The following ASMT variants were observed in gnomAD, a reference collection of about 807,000 sequenced individuals.
The protein encoded by ASMT is acetylserotonin N-methyltransferase.
A neutral mutation model predicts 41.3 loss-of-function variants in ASMT; 53 were observed. The observed-to-expected ratio is 1.28, with a 90% CI of 1.03 to 1.61. The LOEUF (loss-of-function observed/expected upper bound fraction) is 1.61. Among genes scored for constraint, ASMT ranks in the 40% most tolerant of loss-of-function variants. The pLI is 0.00. For synonymous variants in ASMT, 231 were observed against 184.8 expected (o/e 1.25, Z -2.03); for missense variants, 531 against 441.3 (o/e 1.20, Z -1.82).
chrX:1,616,920 G>A (rs1427918764), intron 1 of ASMT, among the ~76,000 whole-genome samples: 7 of 152,056 alleles, frequency 4.6e-5, no homozygotes, highest in Admixed American at 3.9e-4. Context: ...GTGTTAGCCA[G>A]GATGGTCTCG....
intron 1 of ASMT, among the ~76,000 whole-genome samples, chrX:1,618,379 G>A (rs1405968452): frequency 2.0e-5 from 3 of 152,120 alleles, no homozygotes; most frequent in Admixed American, 2.0e-4. Flanking sequence ...GGCCAGGCTG[G>A]TGTCGAACTC....
intron 3 of ASMT, among the ~76,000 whole-genome samples, chrX:1,627,501 G>A (rs1267938134): frequency 1.4e-5 from 2 of 142,404 alleles, no homozygotes; most frequent in Non-Finnish European, 3.1e-5. Flanking sequence ...GGCGCCTATA[G>A]TCCCAGCTAC....
intron 1 of ASMT, among the ~76,000 whole-genome samples, chrX:1,616,943 C>T (rs1207660546): frequency 1.3e-5 from 2 of 152,014 alleles, no homozygotes; most frequent in Non-Finnish European, 2.9e-5. Context: ...CTCCTGACCT[C>T]ATGATCCGCC....
intron 1 of ASMT, among the ~76,000 whole-genome samples, chrX:1,616,347 T>G (rs1934109015): frequency 6.6e-6 from 1 of 151,280 alleles, no homozygotes; most frequent in Non-Finnish European, 1.5e-5. Flanking sequence ...AAGGCTGACG[T>G]GAAAGGCCCC....
At chrX:1,617,394 C>G (rs765220654) in intron 1 of ASMT, among the ~76,000 whole-genome samples, 1 of 151,230 alleles carries the variant, frequency 6.6e-6, no homozygotes, top group South Asian at 2.1e-4. Flanking sequence ...TGCTTGAACC[C>G]GGAGGAGGTA....
chrX:1,643,032 G>A lies in ASMT; in HGVS notation c.*18G>A. On this transcript the variant is annotated 3_prime_UTR_variant, in exon 9 of 9. Transcript: ENST00000381241. ...GGAAATAACTGTTTCTTGTGACCTG[G>A]AACTAACGTCAAAGCACACAAGACA... is the stretch of plus-strand genomic sequence containing the variant. 6.2e-7 allele frequency: 1 copy of A among 1,611,978 alleles called. No homozygotes were observed. The highest frequency in any genetic ancestry group is 1.1e-5 in the South Asian group (1 of 91,036).
At chrX:1,615,811 C>G (rs1321973399) in intron 1 of ASMT, among the ~76,000 whole-genome samples, 2 of 150,850 alleles carry the variant, frequency 1.3e-5, no homozygotes, top group African/African-American at 4.9e-5. Flanking sequence ...CAAAAAAAAA[C>G]CAAACAAACA....
chrX:1,625,453 C>T (rs1262236159), intron 3 of ASMT, among the ~76,000 whole-genome samples: 1 of 147,364 alleles, frequency 6.8e-6, no homozygotes, highest in Non-Finnish European at 1.5e-5. Flanking sequence ...CTGATTGTGC[C>T]ACTGCACTGC....
intron 1 of ASMT, among the ~76,000 whole-genome samples, chrX:1,620,166 CTT>C (rs1180256764): frequency 2.7e-3 from 253 of 95,326 alleles, no homozygotes; most frequent in African/African-American, 9.3e-3. Context: ...ATTAATATAG[CTT>C]TTTTTTTTTT....
At chrX:1,635,659 C>T (rs1203033777) in intron 7 of ASMT, among the ~76,000 whole-genome samples, 3 of 151,810 alleles carry the variant, frequency 2.0e-5, no homozygotes, top group Admixed American at 1.3e-4. Context: ...GTTGGGGGTT[C>T]GAGACCAGCC....
chrX:1,635,111 A>G (rs1389901774), intron 7 of ASMT, among the ~76,000 whole-genome samples: 17 of 148,316 alleles, frequency 1.1e-4, no homozygotes, highest in African/African-American at 4.3e-4. Context: ...AGTAGCTGGG[A>G]CTACAGGCGC....
intron 1 of ASMT, among the ~76,000 whole-genome samples, chrX:1,620,837 C>T (rs185129072): frequency 2.0e-5 from 3 of 151,970 alleles, no homozygotes; most frequent in Middle Eastern, 3.4e-3. Flanking sequence ...TGCCGTGAGG[C>T]GTGATCGTGC....
intron 5 of ASMT, among the ~76,000 whole-genome samples, chrX:1,630,259 G>C (rs1384019887): frequency 7.4e-5 from 11 of 149,502 alleles, no homozygotes; most frequent in Non-Finnish European, 1.3e-4. Context: ...TCAGCCTCCC[G>C]AGTAGCTGGG....
intron 2 of ASMT, among the ~76,000 whole-genome samples, chrX:1,623,810 G>T (rs1293933243): frequency 1.3e-5 from 2 of 151,958 alleles, no homozygotes; most frequent in Admixed American, 1.3e-4. Context: ...TGATCCACCA[G>T]CCTGGGCCAC....
At chrX:1,641,785 A>T (rs1185534892) in intron 8 of ASMT, among the ~76,000 whole-genome samples, 4 of 147,116 alleles carry the variant, frequency 2.7e-5, no homozygotes, top group African/African-American at 7.6e-5. Context: ...TGATAAGGAC[A>T]GTGTTCCAGC....
intron 1 of ASMT, among the ~76,000 whole-genome samples, chrX:1,616,412 T>G (rs1451370818): frequency 6.6e-6 from 1 of 151,106 alleles, no homozygotes; most frequent in Non-Finnish European, 1.5e-5. Flanking sequence ...TCCTTCGAGG[T>G]GGAAAGTGGA....
intron 4 of ASMT, among the ~76,000 whole-genome samples, chrX:1,628,858 C>T (rs1934659748): frequency 6.7e-6 from 1 of 148,880 alleles, no homozygotes; most frequent in Admixed American, 6.8e-5. Flanking sequence ...TGTTTTCATG[C>T]CCCGTATTTC....
At chrX:1,630,203 G>A (rs1306894622) in intron 5 of ASMT, among the ~76,000 whole-genome samples, 9 of 151,758 alleles carry the variant, frequency 5.9e-5, no homozygotes, top group East Asian at 1.9e-4. Context: ...GCATGATCTC[G>A]GCTCACTGCA....
chrX:1,636,104 C>T (rs374957034), intron 7 of ASMT: 94 of 360,254 alleles, frequency 2.6e-4, no homozygotes, highest in Admixed American at 1.9e-4. Context: ...CACAGGCACC[C>T]GCCATCACGC....
Sources: allele counts gnomAD v4.1 joint callset (sites outside exome capture counted in the v4.1 genomes callset), GRCh38; gene constraint gnomAD v4.1.1; transcripts MANE v1.5; gene names NCBI Gene and HGNC (gene_info 2026-07-23, HGNC 2026-07-21).